FGFR2: variants seen among roughly 807,000 people sequenced by gnomAD.
The protein encoded by FGFR2 is BEK fibroblast growth factor receptor.
FGFR2 carries 19 observed loss-of-function variants against 95.9 expected under a neutral mutation model. The observed-to-expected ratio is 0.20, with a 90% confidence interval of 0.14 to 0.29. The LOEUF (loss-of-function observed/expected upper bound fraction) is 0.29, where lower values mean the gene tolerates loss of function less well. Among genes scored for constraint, FGFR2 ranks in the 10% least tolerant of loss-of-function variants. FGFR2 has a pLI of 1.00. For synonymous variants in FGFR2, 392 were observed against 393.3 expected, an observed-to-expected ratio of 1.00 and a Z score of 0.04; for missense variants, 707 against 1,056.9, an observed-to-expected ratio of 0.67 and a Z score of 4.59.
chr10:121,483,361 C>G (rs891681324), intron 17 of FGFR2, among the ~76,000 whole-genome samples: 1 of 152,176 alleles, frequency 6.6e-6, no homozygotes, highest in African/African-American at 2.4e-5. Flanking sequence ...CACAGGAATC[C>G]AAGCTTTTTC....
intron 17 of FGFR2, among the ~76,000 whole-genome samples, chr10:121,481,389 GACACACACACAC>G (rs71868012): frequency 5.3e-5 from 8 of 149,922 alleles, no homozygotes; most frequent in African/African-American, 4.9e-5. Flanking sequence ...CATTTTTAAA[GACACACACACAC>G]ACACACACAC....
intron 13 of FGFR2, among the ~76,000 whole-genome samples, chr10:121,495,426 G>A (rs1190122202): frequency 6.6e-6 from 1 of 152,182 alleles, no homozygotes; most frequent in African/African-American, 2.4e-5. Flanking sequence ...TACTCAGGAG[G>A]TTGAGGTGGG....
intron 1 of FGFR2, among the ~76,000 whole-genome samples, chr10:121,596,195 G>T (rs79702212): frequency 0.016 from 2,374 of 152,300 alleles, 60 homozygotes; most frequent in African/African-American, 0.053. Context: ...CACGCGGGAG[G>T]AGTTGTCACC....
Position 121,496,620 on chromosome 10 carries a change from C to T in FGFR2, c.1775G>A (p.Arg592His), listed in dbSNP as rs768761510. ...GAAGGTCATCTGCTCCTCAGGAACA[C>T]GGTTAATGTCATAGGAGTACTCCAT... ...PGMEYSYDIN[R>H]VPEEQMTFKD... is the part of the protein sequence containing the mutation. Residue 592 changes from arginine (R) to histidine (H), a missense_variant, in exon 13 of 18, where the codon CGT (arginine) becomes CAT (histidine). Physicochemically the swap from Arg to His is conservative, Grantham distance 29. Transcript: ENST00000358487. 9.3e-6 allele frequency: 15 copies of T among 1,612,838 alleles called. No individual in the cohort carries two copies. The highest frequency in any genetic ancestry group is 4.5e-5 in the East Asian group (2 of 44,778).
At chr10:121,516,499 TACTCTAAAA>T in intron 8 of FGFR2, among the ~76,000 whole-genome samples, 1 of 152,318 alleles carries the variant, frequency 6.6e-6, no homozygotes. Context: ...GTAAGCACTG[TACTCTAAAA>T]ACAAGGAATT....
At chr10:121,552,615 T>C (rs1855561439) in intron 4 of FGFR2, among the ~76,000 whole-genome samples, 1 of 152,198 alleles carries the variant, frequency 6.6e-6, no homozygotes, top group South Asian at 2.1e-4. Context: ...CTCCACGAGG[T>C]TGGAATCCGT....
At chr10:121,499,681 A>G (rs558605163) in intron 11 of FGFR2, among the ~76,000 whole-genome samples, 44 of 152,214 alleles carry the variant, frequency 2.9e-4, no homozygotes, top group Admixed American at 7.9e-4. Flanking sequence ...GCCAAAAGAG[A>G]TGAGAAGCCT....
chr10:121,526,971 T>G, intron 6 of FGFR2: 3 of 386,382 alleles, frequency 7.8e-6, no homozygotes, highest in Non-Finnish European at 1.4e-5. Flanking sequence ...AACAAACTTG[T>G]TTGGGTAAAA....
intron 5 of FGFR2, among the ~76,000 whole-genome samples, chr10:121,544,584 C>T (rs1453487592): frequency 6.6e-6 from 1 of 151,944 alleles, no homozygotes; most frequent in Non-Finnish European, 1.5e-5. Flanking sequence ...GGAAAAATAT[C>T]CTGATTTCAC....
chr10:121,532,251 A>G (rs1329365209), intron 6 of FGFR2, among the ~76,000 whole-genome samples: 12 of 152,208 alleles, frequency 7.9e-5, no homozygotes. Flanking sequence ...TGCCAGGAAC[A>G]GGTACAAGCA....
intron 1 of FGFR2, among the ~76,000 whole-genome samples, chr10:121,597,411 G>A (rs963813275): frequency 2.0e-5 from 3 of 152,240 alleles, no homozygotes; most frequent in Non-Finnish European, 4.4e-5. Flanking sequence ...CGGGCGAGGG[G>A]CGCCCAGGCA....
Position 121,478,789 on chromosome 10 carries a change from T to C in FGFR2, c.*1068A>G. 1 of 233,694 alleles carries C rather than the reference T, an allele frequency of 4.3e-6. No individual in the cohort carries two copies. Among genetic ancestry groups the C allele is most frequent in the South Asian group, 1.8e-4 (1 of 5,532 alleles). 14.5% of individuals were successfully genotyped at this position (233,694 alleles called of 1,614,324 possible). On this transcript the variant is annotated 3_prime_UTR_variant, in exon 18 of 18. Transcript: ENST00000358487. ...AGAGAATACAGGCTAATCTGATTAA[T>C]GTGCAACTCAGAAGCAGAAGGCCAG...
chr10:121,535,894 A>C (rs1227382791), intron 6 of FGFR2, among the ~76,000 whole-genome samples: 1 of 152,234 alleles, frequency 6.6e-6, no homozygotes, highest in African/African-American at 2.4e-5. Context: ...TTTCCAAGGA[A>C]GAATTTCAAT....
intron 5 of FGFR2, among the ~76,000 whole-genome samples, chr10:121,548,546 C>T (rs76879100): frequency 0.022 from 3,312 of 152,176 alleles, 130 homozygotes; most frequent in African/African-American, 0.075. Context: ...CCCTCTTAGT[C>T]TCTTAGCATA....
chr10:121,515,164 C>A lies in FGFR2; in HGVS notation c.1240G>T (p.Ala414Ser). Reference protein sequence around the residue: ...TKKPDFSSQPAVHKLTKRIPL... With the variant: ...TKKPDFSSQPSVHKLTKRIPL... ...ATACGTTTGGTCAGCTTGTGCACAGCCGGCTGGCTGCTGAAGTCTGGCTTC... is the reference window on the plus strand; with the variant it reads ...ATACGTTTGGTCAGCTTGTGCACAGACGGCTGGCTGCTGAAGTCTGGCTTC... Residue 414 changes from alanine (A) to serine (S), a missense_variant, in exon 9 of 18, where the codon GCT (alanine) becomes TCT (serine). By Grantham distance (99) the Ala-to-Ser change is moderately conservative. Coordinates refer to ENST00000358487, the MANE Select transcript of FGFR2 (RefSeq NM_000141.5). 2 of 1,614,202 alleles carry A rather than the reference C, an allele frequency of 1.2e-6. No homozygotes were observed. Among genetic ancestry groups the A allele is most frequent in the Non-Finnish European group, 1.7e-6 (2 of 1,180,042 alleles).
rs1047058 is a variant in FGFR2 at position 121,479,599 on chromosome 10, T to G, written c.*258A>C. On this transcript the variant is annotated 3_prime_UTR_variant, in exon 18 of 18. Coordinates refer to ENST00000358487, the MANE Select transcript of FGFR2 (RefSeq NM_000141.5). ...TTGAGTCCTACTGGTCCACAGCCAG[T>G]ACGCACGGCAGGTGAGAGGGGTTAC... 1 of 1,551,540 alleles carries G rather than the reference T, an allele frequency of 6.4e-7. No individual in the cohort carries two copies. The highest frequency in any genetic ancestry group is 2.0e-5 in the Admixed American group (1 of 50,972).
intron 5 of FGFR2, among the ~76,000 whole-genome samples, chr10:121,549,707 T>A (rs3135750): frequency 6.6e-6 from 1 of 152,140 alleles, no homozygotes; most frequent in African/African-American, 2.4e-5. Context: ...CATGGAACAG[T>A]GGGCAGCCCC....
chr10:121,546,511 A>G (rs1589936876), intron 5 of FGFR2, among the ~76,000 whole-genome samples: 1 of 152,364 alleles, frequency 6.6e-6, no homozygotes, highest in Non-Finnish European at 1.5e-5. Context: ...TTGATTCTTA[A>G]TCACCTAAGG....
chr10:121,567,848 C>G (rs970890735), intron 2 of FGFR2, among the ~76,000 whole-genome samples: 2 of 152,232 alleles, frequency 1.3e-5, no homozygotes, highest in African/African-American at 4.8e-5. Flanking sequence ...ACCCTGTGGC[C>G]TGCAAGCCCT....
Sources: gnomAD v4.1 joint callset for allele counts (sites outside exome capture counted in the v4.1 genomes callset) on GRCh38, gnomAD v4.1.1 for gene constraint, MANE v1.5 for transcripts, NCBI Gene and HGNC (gene_info 2026-07-23, HGNC 2026-07-21) for gene names.